XKR4: variants seen among roughly 807,000 people sequenced by gnomAD.
XKR4 encodes XK-related protein 4.
A neutral mutation model predicts 53.9 loss-of-function variants in XKR4; 12 were observed. The observed-to-expected ratio is 0.22, with a 90% CI of 0.14 to 0.36. XKR4 has a LOEUF of 0.36. Ranked by LOEUF, XKR4 falls within the 10% of genes least tolerant of loss-of-function variation. The pLI is 1.00. For synonymous variants in XKR4, 354 were observed against 362.4 expected (o/e 0.98, Z 0.26); for missense variants, 799 against 859.5 (o/e 0.93, Z 0.88).
intron 1 of XKR4, among the ~76,000 whole-genome samples, chr8:55,336,101 T>C (rs1585526756): frequency 6.6e-6 from 1 of 151,718 alleles, no homozygotes; most frequent in African/African-American, 2.4e-5. Flanking sequence ...GTGATATGGT[T>C]TGGCTGTGTC....
chr8:55,450,151 C>T (rs1039331965), intron 2 of XKR4: 6 of 677,954 alleles, frequency 8.9e-6, no homozygotes, highest in African/African-American at 7.1e-5. Context: ...CCTCTGCAGG[C>T]GTGAGATGGC....
At chr8:55,294,581 T>G (rs755687877) in intron 1 of XKR4, among the ~76,000 whole-genome samples, 1 of 152,204 alleles carries the variant, frequency 6.6e-6, no homozygotes, top group Non-Finnish European at 1.5e-5. Context: ...CCTCAATGGA[T>G]GGCATCAAGA....
intron 1 of XKR4, among the ~76,000 whole-genome samples, chr8:55,302,157 TG>T (rs1363193813): frequency 4.6e-5 from 7 of 152,308 alleles, no homozygotes; most frequent in Admixed American, 4.6e-4. Flanking sequence ...TAATCCATCT[TG>T]AATTAATTTT....
chr8:55,168,262 A>G (rs931854187), intron 1 of XKR4, among the ~76,000 whole-genome samples: 21 of 152,028 alleles, frequency 1.4e-4, no homozygotes, highest in Non-Finnish European at 2.6e-4. Flanking sequence ...AGCTGTTTCC[A>G]TTTCCCTTGC....
At chr8:55,269,992 G>A (rs549432371) in intron 1 of XKR4, among the ~76,000 whole-genome samples, 1 of 152,312 alleles carries the variant, frequency 6.6e-6, no homozygotes, top group East Asian at 1.9e-4. Flanking sequence ...TTATTTTGGA[G>A]TCATTGGCAT....
intron 1 of XKR4, among the ~76,000 whole-genome samples, chr8:55,147,860 A>G (rs529679003): frequency 1.3e-5 from 2 of 152,346 alleles, no homozygotes; most frequent in South Asian, 2.1e-4. Context: ...GATGAATGAC[A>G]TAAACCAAGA....
chr8:55,304,361 A>G (rs1354674721), intron 1 of XKR4, among the ~76,000 whole-genome samples: 1 of 152,088 alleles, frequency 6.6e-6, no homozygotes, highest in East Asian at 1.9e-4. Context: ...GGTCTGAGAG[A>G]CAGTTTGTTA....
intron 2 of XKR4, among the ~76,000 whole-genome samples, chr8:55,413,564 C>T (rs2129391526): frequency 6.6e-6 from 1 of 152,312 alleles, no homozygotes. Flanking sequence ...AAGTTTCTTT[C>T]TATTATTACT....
chr8:55,406,708 C>CAAT (rs1563342510), intron 2 of XKR4, among the ~76,000 whole-genome samples: 2 of 152,176 alleles, frequency 1.3e-5, no homozygotes, highest in African/African-American at 4.8e-5. Context: ...AAATTAGGAA[C>CAAT]AATAACACAT....
intron 2 of XKR4, among the ~76,000 whole-genome samples, chr8:55,458,332 G>A (rs1411592599): frequency 1.3e-5 from 2 of 152,252 alleles, no homozygotes; most frequent in African/African-American, 2.4e-5. Context: ...GTGAGCAGGT[G>A]CAGAGGCTAG....
intron 1 of XKR4, among the ~76,000 whole-genome samples, chr8:55,204,305 C>G (rs76926498): frequency 0.026 from 3,928 of 152,244 alleles, 83 homozygotes; most frequent in Middle Eastern, 0.068. Flanking sequence ...ATCACAACGA[C>G]AAGCAGCATT....
chr8:55,339,286 G>A (rs932766038), intron 1 of XKR4, among the ~76,000 whole-genome samples: 1 of 152,136 alleles, frequency 6.6e-6, no homozygotes, highest in Non-Finnish European at 1.5e-5. Flanking sequence ...AACTTTACAC[G>A]TGATCTAACC....
chr8:55,323,181 T>C (rs1803241047), intron 1 of XKR4, among the ~76,000 whole-genome samples: 1 of 152,238 alleles, frequency 6.6e-6, no homozygotes, highest in Non-Finnish European at 1.5e-5. Flanking sequence ...TTAACATATA[T>C]GTGGTAAATA....
chr8:55,484,984 T>A (rs1806171240), intron 2 of XKR4, among the ~76,000 whole-genome samples: 1 of 152,208 alleles, frequency 6.6e-6, no homozygotes, highest in Admixed American at 6.5e-5. Flanking sequence ...TCCTTATCAT[T>A]TCTGTTTCTC....
rs1807107671 is a variant in XKR4, at chr8:55,541,949, G to A, written c.*17722G>A. 6.6e-6 allele frequency: 1 copy of A among 151,968 alleles called. No individual in the cohort carries two copies. The highest frequency in any genetic ancestry group is 1.5e-5 in the Non-Finnish European group (1 of 67,998). 9.4% of individuals were successfully genotyped at this position (151,968 alleles called of 1,614,324 possible). A position where few individuals can be genotyped will look rare whatever the true frequency, so the allele number is the denominator to read the frequency against. On this transcript the variant is annotated 3_prime_UTR_variant, in exon 3 of 3. Coordinates refer to ENST00000327381, the MANE Select transcript of XKR4 (RefSeq NM_052898.2). The stretch of plus-strand genomic sequence containing the variant: ...TGGTCTGTTAAGTAAGTTGCAATTT[G>A]TGATGAAATGAAGTGGAAAGTAGTA...
chr8:55,451,954 C>G (rs1453556462), intron 2 of XKR4: 3 of 773,886 alleles, frequency 3.9e-6, no homozygotes, highest in Non-Finnish European at 7.1e-6. Context: ...GTGCTCCTAG[C>G]TGAGTTGGGG....
chr8:55,114,036 C>A (rs1391072278), intron 1 of XKR4, among the ~76,000 whole-genome samples: 1 of 152,146 alleles, frequency 6.6e-6, no homozygotes, highest in African/African-American at 2.4e-5. Flanking sequence ...AGTGAACATA[C>A]ACACACATTT....
At chr8:55,157,976 A>G (rs752169500) in intron 1 of XKR4, among the ~76,000 whole-genome samples, 2 of 152,230 alleles carry the variant, frequency 1.3e-5, no homozygotes, top group East Asian at 3.8e-4. Flanking sequence ...TGCAATGAAC[A>G]TACGTGTGCA....
chr8:55,123,135 G>A (rs1052037099), intron 1 of XKR4, among the ~76,000 whole-genome samples: 2 of 152,168 alleles, frequency 1.3e-5, no homozygotes, highest in Admixed American at 6.6e-5. Context: ...TTTCTGAAAT[G>A]TGCTCCTCAT....
Sources: allele counts gnomAD v4.1 joint callset (sites outside exome capture counted in the v4.1 genomes callset), GRCh38; gene constraint gnomAD v4.1.1; transcripts MANE v1.5; gene names NCBI Gene and HGNC (gene_info 2026-07-23, HGNC 2026-07-21).